DOCK8: variants seen among roughly 807,000 people sequenced by gnomAD.
DOCK8 encodes dedicator of cytokinesis protein 8.
Under a neutral mutation model 245.6 loss-of-function variants are expected in DOCK8, and 141 were observed. The observed-to-expected ratio is 0.57, with a 90% CI of 0.50 to 0.66. The LOEUF is 0.66. Ranked by LOEUF, DOCK8 falls within the 30% of genes least tolerant of loss-of-function variation. The pLI is 0.00. For missense variants in DOCK8, 2,965 were observed against 2,603.4 expected, an observed-to-expected ratio of 1.14 and a Z score of -3.02; for synonymous variants, 1,168 against 970.2, an observed-to-expected ratio of 1.20 and a Z score of -3.79.
intron 28 of DOCK8, among the ~76,000 whole-genome samples, chr9:407,400 C>G (rs913182355): frequency 1.3e-5 from 2 of 152,182 alleles, no homozygotes; most frequent in Non-Finnish European, 2.9e-5. Flanking sequence ...CCATTTTTAA[C>G]AAAGGGGATA....
intron 4 of DOCK8, among the ~76,000 whole-genome samples, chr9:302,550 A>G (rs1375668791): frequency 6.6e-6 from 1 of 152,244 alleles, no homozygotes; most frequent in Non-Finnish European, 1.5e-5. Context: ...AACTATCAAC[A>G]GAGTAAACTG....
chr9:258,588 G>A (rs60170042), intron 1 of DOCK8, among the ~76,000 whole-genome samples: 4,511 of 138,136 alleles, frequency 0.033, 234 homozygotes, highest in African/African-American at 0.11. Context: ...AGCCTGAAGA[G>A]ACTCTTTTTT....
At chr9:297,392 CG>C (rs567416931) in intron 4 of DOCK8, among the ~76,000 whole-genome samples, 289 of 152,288 alleles carry the variant, frequency 1.9e-3, no homozygotes, top group African/African-American at 5.6e-3. Context: ...ACTCTCAAAA[CG>C]CGCTTGGTCT....
At chr9:278,417 T>TGTGC (rs1347630881) in intron 2 of DOCK8, among the ~76,000 whole-genome samples, 1 of 152,226 alleles carries the variant, frequency 6.6e-6, no homozygotes, top group Non-Finnish European at 1.5e-5. Context: ...GGTCTCTATG[T>TGTGC]CAGGAACTGC....
rs142664568 is a variant in DOCK8, at chr9:339,257, G to C, written c.1516+158G>C. ...AGAATCTGAATTGTTCTATGTCTTT[G>C]GCAAACCTATTAATGTTTTTTTAAT... On this transcript the variant is annotated intron_variant, in intron 13 of 47. Coordinates refer to ENST00000432829, the MANE Select transcript of DOCK8 (RefSeq NM_203447.4). Among the ~76,000 whole-genome samples the C allele has an allele frequency of 2.7e-3, 409 of 152,224 alleles. 2 individuals carry two copies. The highest frequency in any genetic ancestry group is 9.5e-3 in the African/African-American group (393 of 41,534).
upstream of DOCK8, chr9:213,935 C>G (rs2046669200): frequency 6.6e-6 from 1 of 152,354 alleles, no homozygotes; most frequent in South Asian, 2.0e-4. Flanking sequence ...ACCACGTTGG[C>G]CAGGATGGTC....
At chr9:303,591 GGGTAAACATGGGCATAAAGATAACAC>G (rs2049664299) in intron 4 of DOCK8, among the ~76,000 whole-genome samples, 1 of 152,052 alleles carries the variant, frequency 6.6e-6, no homozygotes, top group African/African-American at 2.4e-5. Flanking sequence ...GCTAAACATC[GGGTAAACATGGGCATAAAGATAACAC>G]GGTAGACACC....
At chr9:292,087 A>AAAAAAAGCC (rs2049063487) in intron 4 of DOCK8, among the ~76,000 whole-genome samples, 1 of 148,828 alleles carries the variant, frequency 6.7e-6, no homozygotes, top group Admixed American at 6.7e-5. Context: ...AAAAAAAAAA[A>AAAAAAAGCC]AAAGCCAGGC....
intron 46 of DOCK8, among the ~76,000 whole-genome samples, chr9:463,305 T>C (rs1184722174): frequency 6.6e-6 from 1 of 151,870 alleles, no homozygotes; most frequent in African/African-American, 2.4e-5. Context: ...CAGAGATTTC[T>C]GGGTGCTACC....
chr9:319,525 GAAAC>G (rs541154059), intron 7 of DOCK8, among the ~76,000 whole-genome samples: 9 of 152,128 alleles, frequency 5.9e-5, no homozygotes, highest in Non-Finnish European at 1.3e-4. Flanking sequence ...ATGAAAGAAA[GAAAC>G]AAATTCTTAT....
chr9:221,468 A>C (rs1244839392), intron 1 of DOCK8, among the ~76,000 whole-genome samples: 2 of 152,156 alleles, frequency 1.3e-5, no homozygotes, highest in African/African-American at 4.8e-5. Flanking sequence ...AACTATTTAC[A>C]TAGCATTTAC....
chr9:342,153 G>A (rs1038130879), intron 14 of DOCK8, among the ~76,000 whole-genome samples: 23 of 152,022 alleles, frequency 1.5e-4, no homozygotes, highest in Middle Eastern at 6.8e-3. Flanking sequence ...ACCATCCCCT[G>A]CCCCCCGCTG....
intron 1 of DOCK8, among the ~76,000 whole-genome samples, chr9:220,529 C>A (rs1165227005): frequency 6.6e-6 from 1 of 152,066 alleles, no homozygotes; most frequent in Non-Finnish European, 1.5e-5. Context: ...ACTTTCCGTC[C>A]TCTTTAAGGG....
chr9:252,638 A>G (rs1260723690), intron 1 of DOCK8, among the ~76,000 whole-genome samples: 1 of 151,846 alleles, frequency 6.6e-6, no homozygotes, highest in Non-Finnish European at 1.5e-5. Context: ...CCCCATCTCT[A>G]CTAAAAATAC....
rs143274410 is a variant in DOCK8, at chr9:283,703, G to A, written c.157-2758G>A. Among the ~76,000 whole-genome samples the A allele has an allele frequency of 1.7e-3, 262 of 152,162 alleles. 2 individuals are homozygous for A. Among genetic ancestry groups the A allele is most frequent in the African/African-American group, 2.0e-3 (83 of 41,502 alleles). ...GATAATGGCCTCCAGTTCCATCCAC[G>A]TTGCTGCAAGAGACATGATTTCATT... On this transcript the variant is annotated intron_variant, in intron 2 of 47. Coordinates refer to ENST00000432829, the MANE Select transcript of DOCK8 (RefSeq NM_203447.4).
At chr9:342,321 G>C (rs1172331853) in intron 14 of DOCK8, among the ~76,000 whole-genome samples, 2 of 134,388 alleles carry the variant, frequency 1.5e-5, no homozygotes, top group African/African-American at 2.8e-5. Flanking sequence ...TTTTGTTTGA[G>C]TATTACTATG....
intron 34 of DOCK8, among the ~76,000 whole-genome samples, chr9:427,461 T>C (rs1474242029): frequency 6.6e-6 from 1 of 152,202 alleles, no homozygotes; most frequent in Non-Finnish European, 1.5e-5. Flanking sequence ...AGGAAAGTCA[T>C]TTGTACCATG....
chr9:292,157 G>C (rs1377695902), intron 4 of DOCK8, among the ~76,000 whole-genome samples: 5 of 150,026 alleles, frequency 3.3e-5, no homozygotes, highest in African/African-American at 1.2e-4. Context: ...GATCACCTGA[G>C]GTTGGGAGTT....
chr9:315,558 A>G (rs1366051288), intron 6 of DOCK8, among the ~76,000 whole-genome samples: 1 of 152,208 alleles, frequency 6.6e-6, no homozygotes, highest in Non-Finnish European at 1.5e-5. Flanking sequence ...GTATTGCTGT[A>G]TGTTTTTAAA....
Sources: allele counts gnomAD v4.1 joint callset (sites outside exome capture counted in the v4.1 genomes callset), GRCh38; gene constraint gnomAD v4.1.1; transcripts MANE v1.5; gene names NCBI Gene and HGNC (gene_info 2026-07-23, HGNC 2026-07-21).